TONSL: variants seen among roughly 807,000 people sequenced by gnomAD.
TONSL encodes the protein tonsoku-like protein.
In TONSL, 112 loss-of-function variants were observed where a neutral mutation model predicts 147.1. The observed-to-expected ratio is 0.76, with a 90% CI of 0.65 to 0.89. The LOEUF (loss-of-function observed/expected upper bound fraction) is 0.89, where lower values mean the gene tolerates loss of function less well. Ranked by LOEUF, TONSL falls within the 40% of genes least tolerant of loss-of-function variation. TONSL has a pLI of 0.00. For missense variants in TONSL, 1,883 were observed against 1,864.6 expected, an observed-to-expected ratio of 1.01 and a Z score of -0.18; for synonymous variants, 868 against 801.5, an observed-to-expected ratio of 1.08 and a Z score of -1.40.
In TONSL at chr8:144,429,410, G is replaced by A. The variant is rs2130832355; in HGVS notation, c.3944-74C>T. ...TCCTGGTGCCCGCGGCAGGCTCCAG[G>A]GAACAAACTCGCTTTCGCTGAGGGC... On this transcript the variant is annotated intron_variant, in intron 25 of 25. Transcript: ENST00000409379. The A allele has an allele frequency of 4.5e-6, 6 of 1,327,544 alleles. No individual in the cohort carries two copies. In the East Asian group the frequency reaches 9.2e-5, roughly 20 times the overall value. 82.2% of individuals were successfully genotyped at this position (1,327,544 alleles called of 1,614,324 possible).
At chr8:144,444,135 C>T (rs781657924) in intron 2 of TONSL, 45 bp downstream of exon 2, 1,810 of 1,331,282 alleles carry the variant, frequency 1.4e-3, no homozygotes, top group Non-Finnish European at 1.6e-3. Context: ...CCGGCCCGGG[C>T]CCGGGCCCCG....
rs1409353618 is a variant in TONSL at position 144,443,956 on chromosome 8, G to C, written c.190C>G (p.Leu64Val). 5 of 1,542,870 alleles carry C rather than the reference G, an allele frequency of 3.2e-6. No homozygotes were observed. The African/African-American group carries it at 5.5e-5, about 17-fold the overall frequency. ...LQLRERADDP[L>V]GCAVAHRKIG... Reference sequence around the variant, plus strand: ...TTGCGGTGGGCCACGGCACAGCCCAGAGGGTCGTCAGCGCGCTCCCGAAGC... The same window carrying C: ...TTGCGGTGGGCCACGGCACAGCCCACAGGGTCGTCAGCGCGCTCCCGAAGC... Residue 64 changes from leucine (L) to valine (V), a missense_variant, in exon 3 of 26, where the codon CTG (leucine) becomes GTG (valine). Transcript: ENST00000409379.
At position 144,435,120 on chromosome 8, in the gene TONSL, T is replaced by C; in HGVS notation, c.2903A>G (p.Tyr968Cys). 4 of 1,592,312 alleles carry C rather than the reference T, an allele frequency of 2.5e-6. No individual in the cohort carries two copies. Among genetic ancestry groups the C allele is most frequent in the Non-Finnish European group, 3.4e-6 (4 of 1,170,300 alleles). Residue 968 changes from tyrosine (Y) to cysteine (C), a missense_variant, in exon 19 of 26, where the codon TAC (tyrosine) becomes TGC (cysteine). By Grantham distance (194) the Tyr-to-Cys change is radical. Coordinates refer to ENST00000409379, the MANE Select transcript of TONSL (RefSeq NM_013432.5). ...GGGCAGCAGCCCGCAGGTCTGGTAG[T>C]AGCGCTGGGCCGCCTGCTCGGCCAG... ...AWLAEQAAQR[Y>C]YQTCGLLPRL... is the part of the protein sequence containing the mutation.
intron 19 of TONSL, 42 bp from the exon 20 acceptor site, chr8:144,434,931 T>C: frequency 6.2e-7 from 1 of 1,612,312 alleles, no homozygotes; most frequent in Non-Finnish European, 8.5e-7. Context: ...CTCCCCCGGC[T>C]CACCTCATCA....
In TONSL at chr8:144,444,227, T is replaced by C; in HGVS notation, c.74A>G (p.Glu25Gly). 6.9e-7 allele frequency: 1 copy of C among 1,458,214 alleles called. No individual in the cohort carries two copies. The allele number at this position is 1,458,214 out of a possible 1,614,324, so 90.3% of individuals were successfully genotyped here. ...CAGCTGGTGGCACAGCGCGGCCTCT[T>C]CGCGCCGCTGCCCGGCCCTCTGCGC... ...AKAQRAGQRR[E>G]EAALCHQLGE... The change falls in exon 2 of 26, where the codon GAA (glutamate) becomes GGA (glycine). Residue 25 changes from glutamate (E) to glycine (G), a missense_variant. Physicochemically the swap from Glu to Gly is moderately conservative, Grantham distance 98. Coordinates refer to ENST00000409379, the MANE Select transcript of TONSL (RefSeq NM_013432.5).
intron 22 of TONSL, 76 bp from the exon 23 acceptor site, chr8:144,432,536 C>T (rs1823251172): frequency 7.1e-7 from 1 of 1,401,784 alleles, no homozygotes; most frequent in Admixed American, 2.7e-5. Context: ...GCCCAGAACC[C>T]TCAGGACCCC....
chr8:144,440,358 TG>T lies in TONSL; in HGVS notation c.1282del (p.Gln428SerfsTer15). The T allele has an allele frequency of 6.3e-7, 1 of 1,592,418 alleles. No individual in the cohort carries two copies. Among genetic ancestry groups the T allele is most frequent in the Non-Finnish European group, 8.6e-7 (1 of 1,167,146 alleles). ...TGGGATGGGCTCTCGCACCTGCAGC[TG>T]GGGACGCTGGGCCTGCTGGGCACAG... is the stretch of plus-strand genomic sequence containing the variant. ...LSCAQQAQRPQLQRQVLQHLH... is the reference protein window; with the variant it reads ...LSCAQQAQRPXLQRQVLQHLH... On this transcript the variant is annotated frameshift_variant, in exon 10 of 26. Transcript: ENST00000409379. LOFTEE classifies it high-confidence loss of function.
chr8:144,440,920 G>A (rs768108551), intron 8 of TONSL, 46 bp downstream of exon 8: 39 of 1,612,514 alleles, frequency 2.4e-5, no homozygotes, highest in South Asian at 3.3e-5. Context: ...GCCAGGCCTC[G>A]TCAACCTCAC....
At chr8:144,439,963 C>CCT (rs1445253663) in intron 11 of TONSL, 58 bp downstream of exon 11, 3 of 784,548 alleles carry the variant, frequency 3.8e-6, no homozygotes, top group Non-Finnish European at 6.8e-6. Context: ...ACAGCACACC[C>CCT]CTCTCCAGCC....
At chr8:144,431,940 G>C (rs1823217700) in intron 23 of TONSL, among the ~76,000 whole-genome samples, 1 of 150,316 alleles carries the variant, frequency 6.7e-6, no homozygotes, top group Non-Finnish European at 1.5e-5. Context: ...CCAATTCTCT[G>C]CCTCAGCATC....
At chr8:144,431,287 C>T in intron 23 of TONSL, 136 bp from the exon 24 acceptor site, 1 of 732,032 alleles carries the variant, frequency 1.4e-6, no homozygotes. Context: ...GAAGGAAACA[C>T]CTCTCCTGAT....
Position 144,436,648 on chromosome 8 carries a change from C to T in TONSL, c.1924G>A (p.Val642Met), listed in dbSNP as rs1171898916. 1 of 1,612,176 alleles carries T rather than the reference C, an allele frequency of 6.2e-7. No homozygotes were observed. The highest frequency in any genetic ancestry group is 8.5e-7 in the Non-Finnish European group (1 of 1,179,968). The change falls in exon 16 of 26, where the codon GTG (valine) becomes ATG (methionine). Residue 642 changes from valine to methionine, a missense_variant. Transcript: ENST00000409379. ...TCCAGGTCCCTGCGGTACAGCTTCACCCACTGCTGCAGCGTCTCCAGCGGG... is the reference window on the plus strand; with the variant it reads ...TCCAGGTCCCTGCGGTACAGCTTCATCCACTGCTGCAGCGTCTCCAGCGGG... ...LSPLETLQQWVKLYRRDLDLE... is the reference protein window; with the variant it reads ...LSPLETLQQWMKLYRRDLDLE...
At chr8:144,431,480 AGCTG>A (rs1823189145) in intron 23 of TONSL, among the ~76,000 whole-genome samples, 1 of 152,028 alleles carries the variant, frequency 6.6e-6, no homozygotes, top group Admixed American at 6.6e-5. Context: ...TGAGACAGGC[AGCTG>A]TACAAAAGCA....
rs202101343 is a variant in TONSL at position 144,443,291 on chromosome 8, A to G, written c.295T>C (p.Ser99Pro). The G allele has an allele frequency of 6.4e-7, 1 of 1,550,468 alleles. No individual in the cohort carries two copies. Among genetic ancestry groups the G allele is most frequent in the Admixed American group, 2.0e-5 (1 of 50,998 alleles). ...HQHQYLELAHSLRNHTELQRA... is the reference protein window; with the variant it reads ...HQHQYLELAHPLRNHTELQRA... ...TGCAGCTCCGTGTGGTTGCGCAGGGAATGTGCCAGCTCCAGGTACTGGTGC... is the reference window on the plus strand; with the variant it reads ...TGCAGCTCCGTGTGGTTGCGCAGGGGATGTGCCAGCTCCAGGTACTGGTGC... Residue 99 changes from serine to proline, a missense_variant, in exon 4 of 26, where the codon TCC (serine) becomes CCC (proline). By Grantham distance (74) the Ser-to-Pro change is moderately conservative. Transcript: ENST00000409379.
At position 144,435,847 on chromosome 8, in the gene TONSL, G is replaced by A. The variant is rs1303461693; in HGVS notation, c.2586C>T (p.Thr862=). The change falls in exon 17 of 26, where the codon ACC becomes ACT. Residue 862 remains threonine (T), a synonymous_variant. Coordinates refer to ENST00000409379, the MANE Select transcript of TONSL (RefSeq NM_013432.5). ...GTGDNRRPSS[T]SGSDSEESRP... is the part of the protein sequence containing the mutation. ...TGCTCTCCTCACTGTCCGACCCAGA[G>A]GTACTACTGGGCCTGCGGTTGTCTC... 2 of 1,610,878 alleles carry A rather than the reference G, an allele frequency of 1.2e-6. No individual in the cohort carries two copies. Among genetic ancestry groups the A allele is most frequent in the Admixed American group, 1.7e-5 (1 of 59,944 alleles).
rs2130847575 is a variant in TONSL at position 144,435,552 on chromosome 8, T to C, written c.2776-2A>G. 1 of 1,556,368 alleles carries C rather than the reference T, an allele frequency of 6.4e-7. No individual in the cohort carries two copies. The highest frequency in any genetic ancestry group is 2.4e-5 in the East Asian group (1 of 41,560). ...GATGGGAGGGGGCGGGGCCGGACCC[T>C]GGCAGGTGAAGGCAGCAGGGCTGAG... On this transcript the variant is annotated splice_acceptor_variant, in intron 17 of 25. Coordinates refer to ENST00000409379, the MANE Select transcript of TONSL (RefSeq NM_013432.5). LOFTEE classifies it high-confidence loss of function.
At position 144,432,324 on chromosome 8, in the gene TONSL, A is replaced by G; in HGVS notation, c.3696T>C (p.Asp1232=). ...ELSSVAAGKG[D]SDLMEPVFRY... ...GGAATACAGGCTCCATGAGGTCCGA[A>G]TCACCCTTGCCGGCTGCCACGGAGC... is the stretch of plus-strand genomic sequence containing the variant. Residue 1232 remains aspartate, a synonymous_variant, in exon 23 of 26, where the codon GAT becomes GAC. Transcript: ENST00000409379. 4 of 1,613,710 alleles carry G rather than the reference A, an allele frequency of 2.5e-6. No individual in the cohort carries two copies. The highest frequency in any genetic ancestry group is 1.7e-6 in the Non-Finnish European group (2 of 1,179,910).
intron 11 of TONSL, among the ~76,000 whole-genome samples, chr8:144,439,530 C>G (rs1157456731): frequency 1.3e-5 from 2 of 152,196 alleles, no homozygotes; most frequent in Non-Finnish European, 2.9e-5. Flanking sequence ...AGCCTCCCAG[C>G]TACCCGCTAA....
Position 144,438,303 on chromosome 8 carries a change from T to A in TONSL, c.1653+168A>T, listed in dbSNP as rs1269346932. ...TGCAGCCTCAATCTCCCTCCCAGGA[T>A]GAAGTGATCCTCCTGCCTCTAGGAC... is the stretch of plus-strand genomic sequence containing the variant. On this transcript the variant is annotated intron_variant, in intron 13 of 25. Coordinates refer to ENST00000409379, the MANE Select transcript of TONSL (RefSeq NM_013432.5). 4.6e-6 allele frequency: 3 copies of A among 651,936 alleles called. No homozygotes were observed. The Admixed American group carries it at 7.7e-5, about 17-fold the overall frequency. 40.4% of individuals were successfully genotyped at this position (651,936 alleles called of 1,614,324 possible).
Sources: gnomAD v4.1 joint callset for allele counts (sites outside exome capture counted in the v4.1 genomes callset) on GRCh38, gnomAD v4.1.1 for gene constraint, MANE v1.5 for transcripts, NCBI Gene and HGNC (gene_info 2026-07-23, HGNC 2026-07-21) for gene names.